The following TCF7L2 variants were observed in gnomAD, a reference collection of about 807,000 sequenced individuals.
TCF7L2 encodes transcription factor 7-like 2.
TCF7L2 carries 23 observed loss-of-function variants against 77.9 expected under a neutral mutation model. The observed-to-expected ratio is 0.30, with a 90% CI of 0.21 to 0.42. The LOEUF is 0.42. TCF7L2 is among the 10% of genes least tolerant of loss of function. The pLI is 1.00. For synonymous variants in TCF7L2, 413 were observed against 340.2 expected, an observed-to-expected ratio of 1.21 and a Z score of -2.36; for missense variants, 654 against 793.1, an observed-to-expected ratio of 0.82 and a Z score of 2.11.
chr10:113,126,601 G>T (rs1360152310), intron 5 of TCF7L2: 3 of 985,102 alleles, frequency 3.0e-6, no homozygotes, highest in Non-Finnish European at 3.6e-6. Flanking sequence ...GTGGGGGGGT[G>T]GGTTGTTGTG....
rs1589555252 is a variant in TCF7L2, at chr10:112,950,451, T to G, written c.-306T>G. 1 of 215,148 alleles carries G rather than the reference T, an allele frequency of 4.6e-6. No individual in the cohort carries two copies. Among genetic ancestry groups the G allele is most frequent in the Non-Finnish European group, 8.9e-6 (1 of 112,686 alleles). The allele number at this position is 215,148 out of a possible 1,614,324, so 13.3% of individuals were successfully genotyped here. A position where few individuals can be genotyped will look rare whatever the true frequency, so the allele number is the denominator to read the frequency against. Reference sequence around the variant, plus strand: ...TCTGACTTCTTGTTGTTGTTGGTGTTTTTTTTTTTTTTACCCCCCTTTTTT... The same window carrying G: ...TCTGACTTCTTGTTGTTGTTGGTGTGTTTTTTTTTTTTACCCCCCTTTTTT... On this transcript the variant is annotated 5_prime_UTR_variant, in exon 1 of 14. Transcript: ENST00000627217.
rs1033918278 is a variant in TCF7L2 at position 112,950,364 on chromosome 10, C to T, written c.-393C>T. On this transcript the variant is annotated 5_prime_UTR_variant, in exon 1 of 14. Transcript: ENST00000627217. ...GCTCTCAGTCTAACTTCAACTCACT[C>T]AAATCCGAGCGGCACGAGCACCTCC... 9 of 259,484 alleles carry T rather than the reference C, an allele frequency of 3.5e-5. No homozygotes were observed. The Admixed American group carries it at 3.6e-4, about 10-fold the overall frequency. The allele number at this position is 259,484 out of a possible 1,614,324, so 16.1% of individuals were successfully genotyped here. A position where few individuals can be genotyped will look rare whatever the true frequency, so the allele number is the denominator to read the frequency against.
chr10:113,086,356 A>C (rs576126575), intron 5 of TCF7L2, among the ~76,000 whole-genome samples: 1 of 152,226 alleles, frequency 6.6e-6, no homozygotes. Context: ...GCATGGTTGC[A>C]TCCAGGGGCC....
rs1233204426 is a variant in TCF7L2 at position 113,146,084 on chromosome 10, G to C, written c.862G>C (p.Ala288Pro). Residue 288 changes from alanine to proline, a missense_variant, in exon 8 of 14, where the codon GCT becomes CCT. Physicochemically the swap from Ala to Pro is conservative, Grantham distance 27 (BLOSUM62 -1). Coordinates refer to ENST00000627217, the MANE Select transcript of TCF7L2 (RefSeq NM_001146274.2). The stretch of plus-strand genomic sequence containing the variant: ...CTACCCCACAGCTCTGACCGTCAAT[G>C]CTTCCATGTCCAGGTGAGTTCCAAG... 1.2e-6 allele frequency: 2 copies of C among 1,611,692 alleles called. No homozygotes were observed. The highest frequency in any genetic ancestry group is 1.7e-6 in the Non-Finnish European group (2 of 1,179,004).
At chr10:113,068,384 A>G (rs185694747) in intron 5 of TCF7L2, among the ~76,000 whole-genome samples, 1 of 152,294 alleles carries the variant, frequency 6.6e-6, no homozygotes, top group Non-Finnish European at 1.5e-5. Context: ...CCCATCCAAA[A>G]GGCGGTTACC....
intron 4 of TCF7L2, among the ~76,000 whole-genome samples, 192 bp downstream of exon 4, chr10:112,964,816 G>GTGATGGTGGT (rs1331506565): frequency 6.8e-6 from 1 of 148,066 alleles, no homozygotes; most frequent in African/African-American, 2.5e-5. Context: ...TGGTGGTGGG[G>GTGATGGTGGT]GGGGGTTGAA....
chr10:113,159,893 G>C (rs1340995740), intron 12 of TCF7L2, 27 bp from the exon 14 acceptor site: 1 of 1,409,662 alleles, frequency 7.1e-7, no homozygotes, highest in Admixed American at 2.1e-5. Flanking sequence ...CTCCTCCTCT[G>C]CTCGCTTCTC....
intron 4 of TCF7L2, among the ~76,000 whole-genome samples, chr10:113,031,175 T>G (rs1425371358): frequency 6.6e-6 from 1 of 152,258 alleles, no homozygotes; most frequent in African/African-American, 2.4e-5. Flanking sequence ...CACTTTCTTC[T>G]GTTTTAAGAT....
chr10:112,959,460 T>C (rs1272629475), intron 3 of TCF7L2, among the ~76,000 whole-genome samples: 6 of 152,216 alleles, frequency 3.9e-5, no homozygotes, highest in Non-Finnish European at 2.9e-5. Context: ...TGATGGAACA[T>C]TGAGACAGTA....
intron 5 of TCF7L2, among the ~76,000 whole-genome samples, chr10:113,093,349 GGGCCATGGTTCTT>G (rs893149957): frequency 4.2e-4 from 64 of 152,252 alleles, no homozygotes; most frequent in South Asian, 2.5e-3. Flanking sequence ...TGGGAATGAA[GGGCCATGGTTCTT>G]GGCCATGGTT....
At chr10:113,090,400 A>C (rs2060251421) in intron 5 of TCF7L2, among the ~76,000 whole-genome samples, 1 of 152,228 alleles carries the variant, frequency 6.6e-6, no homozygotes, top group Non-Finnish European at 1.5e-5. Flanking sequence ...TGTTACAGCC[A>C]CAGGGACAGA....
At chr10:113,046,885 A>T (rs1296331440) in intron 5 of TCF7L2, among the ~76,000 whole-genome samples, 1 of 152,108 alleles carries the variant, frequency 6.6e-6, no homozygotes, top group Non-Finnish European at 1.5e-5. Flanking sequence ...ATGAATATTT[A>T]TATTTGTTTT....
chr10:113,152,627 T>C (rs1321234276), intron 11 of TCF7L2, among the ~76,000 whole-genome samples, 187 bp downstream of exon 11: 2 of 152,168 alleles, frequency 1.3e-5, no homozygotes, highest in African/African-American at 4.8e-5. Flanking sequence ...GTGTGGATGG[T>C]TGGATCAGCT....
intron 5 of TCF7L2, among the ~76,000 whole-genome samples, chr10:113,087,948 A>C (rs1261514481): frequency 1.3e-5 from 2 of 151,948 alleles, no homozygotes; most frequent in African/African-American, 4.8e-5. Flanking sequence ...ATTTTTGTCA[A>C]TTTCCTATTT....
intron 5 of TCF7L2, among the ~76,000 whole-genome samples, chr10:113,070,288 T>TATATATA (rs1391509397): frequency 2.0e-5 from 3 of 146,802 alleles, no homozygotes; most frequent in Non-Finnish European, 4.5e-5. Context: ...TATATATATA[T>TATATATA]ATGAATTAAT....
chr10:113,027,943 C>T (rs1015577797), intron 4 of TCF7L2, among the ~76,000 whole-genome samples: 5 of 152,198 alleles, frequency 3.3e-5, no homozygotes, highest in African/African-American at 9.7e-5. Flanking sequence ...TTAGACCCGT[C>T]GGGTCTGCAG....
chr10:112,951,291 GC>G lies in TCF7L2; in HGVS notation c.256+22del. On this transcript the variant is annotated intron_variant, in intron 2 of 13. Transcript: ENST00000627217. ...GGAAGAAGGTGAGTACGCCCCGCGC[GC>G]CCCGCAGCCGCCCGGAGCCGCCCCC... 7.6e-7 allele frequency: 1 copy of G among 1,313,218 alleles called. No individual in the cohort carries two copies. Among genetic ancestry groups the G allele is most frequent in the South Asian group, 1.7e-5 (1 of 59,092 alleles). The allele number at this position is 1,313,218 out of a possible 1,614,324, so 81.3% of individuals were successfully genotyped here.
chr10:112,953,156 A>G (rs771349085), intron 3 of TCF7L2, among the ~76,000 whole-genome samples: 1 of 152,090 alleles, frequency 6.6e-6, no homozygotes, highest in African/African-American at 2.4e-5. Context: ...AATATTAACT[A>G]TCAGGTTTGA....
intron 5 of TCF7L2, among the ~76,000 whole-genome samples, chr10:113,046,104 A>G (rs925275713): frequency 6.6e-5 from 10 of 152,182 alleles, no homozygotes; most frequent in African/African-American, 2.4e-4. Context: ...TCTATGTCAG[A>G]TGTCCAAAGC....
Sources: allele counts gnomAD v4.1 joint callset (sites outside exome capture counted in the v4.1 genomes callset), GRCh38; gene constraint gnomAD v4.1.1; transcripts MANE v1.5; gene names NCBI Gene and HGNC (gene_info 2026-07-23, HGNC 2026-07-21).